Variants in GRHPR observed in about 807,000 individuals in gnomAD.
GRHPR encodes the protein glyoxylate reductase/hydroxypyruvate reductase.
GRHPR carries 35 observed loss-of-function variants against 36.8 expected under a neutral mutation model. The ratio of observed to expected loss-of-function variants is 0.95; its 90% CI spans 0.73 to 1.26. GRHPR has a LOEUF of 1.26. Among genes scored for constraint, GRHPR ranks in the 50% most tolerant of loss-of-function variants. The probability of loss-of-function intolerance (pLI) is 0.00; values close to 1 mark genes in which losing one functional copy is unlikely to be tolerated. For synonymous variants in GRHPR, 179 were observed against 181.0 expected (o/e 0.99, Z 0.09); for missense variants, 380 against 435.0 (o/e 0.87, Z 1.12).
chr9:37,438,788 A>C (rs1293490882), downstream of GRHPR: 1 of 152,254 alleles, frequency 6.6e-6, no homozygotes, highest in Non-Finnish European at 1.5e-5. Context: ...CACACACACA[A>C]CTGAATTTCA....
At chr9:37,434,530 G>C (rs1013794515) in intron 8 of GRHPR, 3 of 395,386 alleles carry the variant, frequency 7.6e-6, no homozygotes, top group African/African-American at 2.1e-5. Flanking sequence ...AGAACATGTA[G>C]AAGTAGCAGC....
intron 6 of GRHPR, 172 bp downstream of exon 6, chr9:37,430,008 G>A: frequency 1.5e-6 from 1 of 671,942 alleles, no homozygotes; most frequent in Non-Finnish European, 2.7e-6. Context: ...CACTCAGGGA[G>A]CACAGGGACT....
At chr9:37,437,541 A>G (rs73437244), downstream of GRHPR, among the ~76,000 whole-genome samples, 5,124 of 152,300 alleles carry the variant, frequency 0.034, 316 homozygotes, top group African/African-American at 0.11. Context: ...ACTGGAAGAA[A>G]TGAGAACTAG....
At chr9:37,433,962 C>A (rs309452) in intron 8 of GRHPR, 310,526 of 384,240 alleles carry the variant, frequency 0.81, 130,140 homozygotes, top group Non-Finnish European at 0.87. Flanking sequence ...GTCCCTCCCC[C>A]ACCCCAGCCT....
At chr9:37,433,052 G>A (rs150212319) in intron 8 of GRHPR, among the ~76,000 whole-genome samples, 16 of 152,278 alleles carry the variant, frequency 1.1e-4, no homozygotes, top group Middle Eastern at 3.4e-3. Flanking sequence ...TCCCATAGTG[G>A]CTGGGGAATC....
chr9:37,429,605 AG>A, intron 5 of GRHPR, 126 bp from the exon 6 acceptor site: 1 of 770,230 alleles, frequency 1.3e-6, no homozygotes, highest in Non-Finnish European at 2.4e-6. Flanking sequence ...TGGAGGAGAC[AG>A]GAGCAGGCAA....
intron 8 of GRHPR, chr9:37,434,803 C>A (rs1023684120): frequency 6.6e-6 from 1 of 152,250 alleles, no homozygotes; most frequent in Non-Finnish European, 1.5e-5. Flanking sequence ...GTAAACCTGT[C>A]GGCAAATATA....
intron 3 of GRHPR, 98 bp downstream of exon 3, chr9:37,426,092 A>G (rs1185842270): frequency 2.4e-6 from 2 of 839,936 alleles, no homozygotes; most frequent in African/African-American, 3.3e-5. Flanking sequence ...TCCCTCGGCC[A>G]TTCAGGGAGA....
Position 37,429,764 on chromosome 9 carries a change from G to A in GRHPR, c.526G>A (p.Gly176Ser), listed in dbSNP as rs377374419. The A allele has an allele frequency of 1.6e-5, 26 of 1,613,222 alleles. No homozygotes were observed. Among genetic ancestry groups the A allele is most frequent in the East Asian group, 8.9e-5 (4 of 44,902 alleles). The part of the protein sequence containing the change: ...QAIARRLKPF[G>S]VQRFLYTGRQ... Reference sequence around the variant, plus strand: ...CATTGCTCGGCGTCTGAAACCATTCGGTGTCCAGAGATTTCTGTACACAGG... The same window carrying A: ...CATTGCTCGGCGTCTGAAACCATTCAGTGTCCAGAGATTTCTGTACACAGG... The change falls in exon 6 of 9, where the codon GGT becomes AGT. Residue 176 changes from glycine to serine, a missense_variant. By Grantham distance (56) the Gly-to-Ser change is moderately conservative. Transcript: ENST00000318158.
chr9:37,428,599 C>A, intron 5 of GRHPR, 27 bp downstream of exon 5: 1 of 1,468,536 alleles, frequency 6.8e-7, no homozygotes, highest in Non-Finnish European at 9.5e-7. Context: ...CCCGCTTGCC[C>A]GCCCCGGCTC....
At chr9:37,438,672 C>T (rs1225413498), downstream of GRHPR, 1 of 152,300 alleles carries the variant, frequency 6.6e-6, no homozygotes, top group Non-Finnish European at 1.5e-5. Flanking sequence ...CCAGGCTAAC[C>T]CACTGTGTCC....
intron 8 of GRHPR, among the ~76,000 whole-genome samples, chr9:37,435,799 A>G (rs1823613735): frequency 6.6e-6 from 1 of 152,142 alleles, no homozygotes; most frequent in Non-Finnish European, 1.5e-5. Flanking sequence ...ACCCAAAAGC[A>G]GTTTTATGGG....
At chr9:37,425,331 C>T (rs1823029683) in intron 2 of GRHPR, among the ~76,000 whole-genome samples, 1 of 152,260 alleles carries the variant, frequency 6.6e-6, no homozygotes, top group South Asian at 2.1e-4. Flanking sequence ...GGACCTAGCT[C>T]AGTGCCAAGC....
At chr9:37,429,160 C>T (rs1823230786) in intron 5 of GRHPR, 1 of 252,280 alleles carries the variant, frequency 4.0e-6, no homozygotes, top group Admixed American at 5.0e-5. Context: ...CCTGTCTAGC[C>T]AACGAACAGC....
rs180177323 is a variant in GRHPR, at chr9:37,436,700, G to A, written c.905G>A (p.Arg302His). 17 of 1,613,732 alleles carry A rather than the reference G, an allele frequency of 1.1e-5. No individual in the cohort carries two copies. Among genetic ancestry groups the A allele is most frequent in the Middle Eastern group, 1.6e-4 (1 of 6,084 alleles). Residue 302 changes from arginine to histidine, a missense_variant, in exon 9 of 9, where the codon CGC (arginine) becomes CAC (histidine). By Grantham distance (29) the Arg-to-His change is conservative. Coordinates refer to ENST00000318158, the MANE Select transcript of GRHPR (RefSeq NM_012203.2). ...PHIGSATHRT[R>H]NTMSLLAANN... is the part of the protein sequence containing the mutation. Reference sequence around the variant, plus strand: ...ATTGGCAGTGCCACCCACAGAACCCGCAACACCATGTCCTTGTTGGCAGCT... The same window carrying A: ...ATTGGCAGTGCCACCCACAGAACCCACAACACCATGTCCTTGTTGGCAGCT...
At chr9:37,425,140 C>T (rs1410891329) in intron 2 of GRHPR, among the ~76,000 whole-genome samples, 165 bp downstream of exon 2, 1 of 152,252 alleles carries the variant, frequency 6.6e-6, no homozygotes, top group African/African-American at 2.4e-5. Flanking sequence ...ACAGGCACTG[C>T]CCCTCCCTCC....
intron 8 of GRHPR, chr9:37,434,468 AC>A: frequency 1.7e-6 from 1 of 586,554 alleles, no homozygotes; most frequent in Admixed American, 2.4e-5. Context: ...ATGCAGAAAT[AC>A]CCAGATCTTT....
intron 1 of GRHPR, among the ~76,000 whole-genome samples, chr9:37,423,506 C>T (rs1475914284): frequency 6.6e-6 from 1 of 152,020 alleles, no homozygotes; most frequent in East Asian, 1.9e-4. Context: ...CAGGGTCTCA[C>T]TCTCATCCAG....
At chr9:37,424,798 C>A in intron 1 of GRHPR, 47 bp from the exon 2 acceptor site, 1 of 1,596,956 alleles carries the variant, frequency 6.3e-7, no homozygotes, top group Admixed American at 1.7e-5. Context: ...GGGGCGGGGA[C>A]AGGTGTGCGG....
Sources: allele counts gnomAD v4.1 joint callset (sites outside exome capture counted in the v4.1 genomes callset), GRCh38; gene constraint gnomAD v4.1.1; transcripts MANE v1.5; gene names NCBI Gene and HGNC (gene_info 2026-07-23, HGNC 2026-07-21).